The following LIFR variants were observed in gnomAD, a reference collection of about 807,000 sequenced individuals.
The protein encoded by LIFR is LIF receptor subunit alpha, also known as leukemia inhibitory factor receptor.
A neutral mutation model predicts 122.2 loss-of-function variants in LIFR; 84 were observed. The ratio of observed to expected loss-of-function variants is 0.69; its 90% CI spans 0.58 to 0.82. The LOEUF is 0.82. LIFR is among the 40% of genes least tolerant of loss of function. LIFR has a pLI of 0.00. For synonymous variants in LIFR, 422 were observed against 434.7 expected, an observed-to-expected ratio of 0.97 and a Z score of 0.36; for missense variants, 1,294 against 1,311.6, an observed-to-expected ratio of 0.99 and a Z score of 0.21.
At chr5:38,585,327 A>G (rs1384697521) in intron 1 of LIFR, among the ~76,000 whole-genome samples, 1 of 152,214 alleles carries the variant, frequency 6.6e-6, no homozygotes, top group Non-Finnish European at 1.5e-5. Flanking sequence ...GACCATGAGG[A>G]ACAGATCAAA....
At chr5:38,549,717 G>A (rs1448238950) in intron 1 of LIFR, among the ~76,000 whole-genome samples, 1 of 152,222 alleles carries the variant, frequency 6.6e-6, no homozygotes, top group Non-Finnish European at 1.5e-5. Flanking sequence ...TGTGAACCCA[G>A]GAGGCGGAGC....
chr5:38,582,882 A>T (rs1749632578), intron 1 of LIFR, among the ~76,000 whole-genome samples: 1 of 152,220 alleles, frequency 6.6e-6, no homozygotes, highest in South Asian at 2.1e-4. Flanking sequence ...GAAGCTATTC[A>T]TCAGGCATTG....
intron 2 of LIFR, among the ~76,000 whole-genome samples, chr5:38,603,073 A>G (rs1337782297): frequency 6.6e-6 from 1 of 152,226 alleles, no homozygotes; most frequent in East Asian, 1.9e-4. Context: ...CCCGAAGGAA[A>G]GAATCACCCT....
intron 1 of LIFR, among the ~76,000 whole-genome samples, chr5:38,548,865 T>C (rs1222712340): frequency 6.6e-6 from 1 of 152,078 alleles, no homozygotes; most frequent in Admixed American, 6.5e-5. Context: ...TCCGTAACAG[T>C]TTGATAAAAC....
chr5:38,502,490 C>T, intron 11 of LIFR, 147 bp downstream of exon 11: 2 of 643,888 alleles, frequency 3.1e-6, no homozygotes, highest in South Asian at 3.3e-5. Context: ...AACTCCCAAC[C>T]TCAGGTAATC....
chr5:38,577,048 A>C (rs1183113193), intron 1 of LIFR, among the ~76,000 whole-genome samples: 8 of 152,272 alleles, frequency 5.3e-5, no homozygotes, highest in Non-Finnish European at 1.0e-4. Flanking sequence ...TGACACAAAC[A>C]GATATTGAAG....
intron 1 of LIFR, among the ~76,000 whole-genome samples, chr5:38,580,589 G>T (rs1187731938): frequency 4.6e-5 from 7 of 151,932 alleles, no homozygotes; most frequent in African/African-American, 1.7e-4. Flanking sequence ...ACCCCACATT[G>T]CTCCTAGCTT....
rs555065483 is a variant in LIFR, at chr5:38,545,793, T to C, written c.-20+10541A>G. On this transcript the variant is annotated intron_variant, in intron 1 of 19. Coordinates refer to ENST00000453190, the MANE Select transcript of LIFR (RefSeq NM_001127671.2). ...AGGAGAATGGCGTGAACCCGGGAGG[T>C]GGACCTTGCAGTGAGCCGAGATCAC... Among the ~76,000 whole-genome samples the C allele has an allele frequency of 6.6e-4, 93 of 140,602 alleles. 1 individual carries two copies. Among genetic ancestry groups the C allele is most frequent in the Admixed American group, 1.9e-3 (25 of 13,276 alleles). The allele number at this position is 140,602 out of a possible 152,430, so 92.2% of individuals were successfully genotyped here. A position where few individuals can be genotyped will look rare whatever the true frequency, so the allele number is the denominator to read the frequency against.
chr5:38,530,705 T>C, intron 1 of LIFR, 39 bp from the exon 2 acceptor site: 1 of 1,537,984 alleles, frequency 6.5e-7, no homozygotes, highest in Non-Finnish European at 9.0e-7. Flanking sequence ...GTTCAGATTG[T>C]TCTGAAGGCT....
chr5:38,586,179 C>T (rs1749741254), intron 1 of LIFR, among the ~76,000 whole-genome samples: 1 of 152,004 alleles, frequency 6.6e-6, no homozygotes, highest in Non-Finnish European at 1.5e-5. Flanking sequence ...ACCCGGGTGT[C>T]AATGAAAAGC....
intron 18 of LIFR, 23 bp from the exon 19 acceptor site, chr5:38,482,690 G>C (rs1266532415): frequency 1.0e-6 from 1 of 992,112 alleles, no homozygotes; most frequent in African/African-American, 1.7e-5. Flanking sequence ...AATTATTACA[G>C]TAAATTTAAT....
chr5:38,592,768 A>G (rs1204809248), intron 1 of LIFR, among the ~76,000 whole-genome samples: 1 of 152,012 alleles, frequency 6.6e-6, no homozygotes. Context: ...TTTTAAAACT[A>G]TTTTTAGTTT....
chr5:38,516,709 A>G (rs1746102832), intron 5 of LIFR, among the ~76,000 whole-genome samples: 1 of 152,222 alleles, frequency 6.6e-6, no homozygotes, highest in African/African-American at 2.4e-5. Context: ...ATTACTGGCT[A>G]TATACCCAAA....
intron 7 of LIFR, 37 bp downstream of exon 7, chr5:38,510,427 G>A: frequency 6.2e-7 from 1 of 1,601,490 alleles, no homozygotes; most frequent in South Asian, 1.1e-5. Context: ...ACCAAAACAG[G>A]TTAATAGGAA....
chr5:38,482,283 T>A, intron 19 of LIFR, 65 bp from the exon 20 acceptor site: 1 of 1,487,382 alleles, frequency 6.7e-7, no homozygotes, highest in Non-Finnish European at 9.1e-7. Flanking sequence ...GCTCCTCCTA[T>A]AAAAAGGGAC....
Position 38,502,620 on chromosome 5 carries a change from TC to T in LIFR, c.1600+16del, listed in dbSNP as rs1173596848. The T allele has an allele frequency of 6.3e-7, 1 of 1,591,258 alleles. No individual in the cohort carries two copies. The highest frequency in any genetic ancestry group is 1.3e-5 in the African/African-American group (1 of 74,450). ...ATACACAGTAATTATTAGCCATACA[TC>T]ACTTAGTTAACTTACTGGCTTCTGT... On this transcript the variant is annotated intron_variant, in intron 11 of 19. Coordinates refer to ENST00000453190, the MANE Select transcript of LIFR (RefSeq NM_001127671.2).
intron 7 of LIFR, among the ~76,000 whole-genome samples, chr5:38,509,958 A>G (rs2112488295): frequency 6.6e-6 from 1 of 152,282 alleles, no homozygotes; most frequent in South Asian, 2.1e-4. Context: ...GTGGGAGAGT[A>G]TGTTTCCCCT....
chr5:38,527,139 G>C lies in LIFR; in HGVS notation c.397+16C>G. 6.3e-7 allele frequency: 1 copy of C among 1,578,136 alleles called. No homozygotes were observed. The highest frequency in any genetic ancestry group is 8.7e-7 in the Non-Finnish European group (1 of 1,154,222). On this transcript the variant is annotated intron_variant, in intron 4 of 19. Coordinates refer to ENST00000453190, the MANE Select transcript of LIFR (RefSeq NM_001127671.2). Reference sequence around the variant, plus strand: ...CTTGACTTACTTTAAAATTGAGTTTGTTTTCAAATACTTACAAACGTTTTG... The same window carrying C: ...CTTGACTTACTTTAAAATTGAGTTTCTTTTCAAATACTTACAAACGTTTTG...
chr5:38,534,481 A>T (rs2112585209), intron 1 of LIFR, among the ~76,000 whole-genome samples: 1 of 152,348 alleles, frequency 6.6e-6, no homozygotes, highest in East Asian at 1.9e-4. Context: ...TTTCAAGGAG[A>T]TTAACTAGGA....
Sources: allele counts gnomAD v4.1 joint callset (sites outside exome capture counted in the v4.1 genomes callset), GRCh38; gene constraint gnomAD v4.1.1; transcripts MANE v1.5; gene names NCBI Gene and HGNC (gene_info 2026-07-23, HGNC 2026-07-21).